STRN3: variants seen among roughly 807,000 people sequenced by gnomAD.
STRN3 encodes the protein striatin-3.
STRN3 carries 29 observed loss-of-function variants against 95.6 expected under a neutral mutation model. That is an observed-to-expected ratio of 0.30 (90% CI 0.23 to 0.41). The LOEUF is 0.41. STRN3 is among the 10% of genes least tolerant of loss of function. The pLI, the probability that STRN3 is intolerant of heterozygous loss-of-function variation, is 1.00. For missense variants in STRN3, 890 were observed against 972.1 expected (o/e 0.92, Z 1.12); for synonymous variants, 331 against 357.6 (o/e 0.93, Z 0.84).
At chr14:30,955,139 C>A (rs1273625899) in intron 3 of STRN3, among the ~76,000 whole-genome samples, 1 of 152,042 alleles carries the variant, frequency 6.6e-6, no homozygotes, top group Non-Finnish European at 1.5e-5. Context: ...CAAAGAAAAC[C>A]TATGCCACTC....
At chr14:31,025,849 C>T in intron 1 of STRN3, 55 bp downstream of exon 1, 2 of 1,561,012 alleles carry the variant, frequency 1.3e-6, no homozygotes, top group Admixed American at 1.9e-5. Context: ...CAGCCCCACC[C>T]CCCGGCCGGG....
intron 1 of STRN3, among the ~76,000 whole-genome samples, chr14:31,023,161 T>C (rs1883582085): frequency 6.6e-6 from 1 of 152,240 alleles, no homozygotes; most frequent in South Asian, 2.1e-4. Flanking sequence ...GAATCACTTG[T>C]AGAACTCTAA....
chr14:30,902,704 G>T, intron 15 of STRN3, 61 bp from the exon 16 acceptor site: 1 of 1,095,070 alleles, frequency 9.1e-7, no homozygotes, highest in Non-Finnish European at 1.3e-6. Flanking sequence ...GTTGGATAAT[G>T]GCCTTTTTAA....
intron 1 of STRN3, among the ~76,000 whole-genome samples, chr14:30,971,585 A>T (rs1386860432): frequency 6.6e-6 from 1 of 152,228 alleles, no homozygotes; most frequent in Admixed American, 6.5e-5. Flanking sequence ...AAAATAGGAT[A>T]GCCTTAGACA....
chr14:30,956,580 C>CA (rs1408187274), intron 1 of STRN3, among the ~76,000 whole-genome samples: 1 of 151,614 alleles, frequency 6.6e-6, no homozygotes, highest in African/African-American at 2.4e-5. Flanking sequence ...AACAAACAAA[C>CA]AAAAAAAACT....
At chr14:30,972,038 A>C (rs570017835) in intron 1 of STRN3, among the ~76,000 whole-genome samples, 4 of 152,208 alleles carry the variant, frequency 2.6e-5, no homozygotes, top group Non-Finnish European at 5.9e-5. Context: ...AGGAAACACA[A>C]GGGGAGGGAT....
chr14:30,962,090 T>C (rs1242432495), intron 1 of STRN3, among the ~76,000 whole-genome samples: 1 of 152,196 alleles, frequency 6.6e-6, no homozygotes, highest in Non-Finnish European at 1.5e-5. Context: ...TAGAAGACAA[T>C]GATATTAACC....
intron 3 of STRN3, 60 bp from the exon 4 acceptor site, chr14:30,951,004 A>T: frequency 7.0e-7 from 1 of 1,436,694 alleles, no homozygotes; most frequent in Non-Finnish European, 9.6e-7. Flanking sequence ...AAATATTGCC[A>T]AAGTTTTCTT....
At chr14:30,971,625 A>G (rs1266878456) in intron 1 of STRN3, among the ~76,000 whole-genome samples, 1 of 152,238 alleles carries the variant, frequency 6.6e-6, no homozygotes, top group Non-Finnish European at 1.5e-5. Flanking sequence ...ATTTTGCATC[A>G]TGATTAAAAC....
chr14:30,929,979 A>AAAAAAAAAAAAAAAAAAT (rs1566441550), intron 7 of STRN3, among the ~76,000 whole-genome samples: 5 of 147,386 alleles, frequency 3.4e-5, no homozygotes, highest in African/African-American at 5.0e-5. Context: ...AAAAAAAAAA[A>AAAAAAAAAAAAAAAAAAT]CTCAAATTCC....
chr14:31,026,269 C>CGGGGCGGAGGCCGGCCGGGAGA lies in STRN3; in HGVS notation c.-106_-85dup, dbSNP rs1883922676. 2 of 1,306,360 alleles carry CGGGGCGGAGGCCGGCCGGGAGA rather than the reference C, an allele frequency of 1.5e-6. No individual in the cohort carries two copies. Among genetic ancestry groups the CGGGGCGGAGGCCGGCCGGGAGA allele is most frequent in the African/African-American group, 1.6e-5 (1 of 64,034 alleles). 80.9% of individuals were successfully genotyped at this position (1,306,360 alleles called of 1,614,324 possible). On this transcript the variant is annotated 5_prime_UTR_variant, in exon 1 of 18. Coordinates refer to ENST00000357479, the MANE Select transcript of STRN3 (RefSeq NM_001083893.2). ...GGAGAGGGTGGCCCCGCGCTGGCTGCGGGGCGGAGGCCGGCCGGGAGAGGG... is the reference window on the plus strand; with the variant it reads ...GGAGAGGGTGGCCCCGCGCTGGCTGCGGGGCGGAGGCCGGCCGGGAGAGGGGCGGAGGCCGGCCGGGAGAGGG...
chr14:31,020,456 A>G (rs1298716018), intron 1 of STRN3, among the ~76,000 whole-genome samples: 1 of 152,036 alleles, frequency 6.6e-6, no homozygotes, highest in East Asian at 1.9e-4. Flanking sequence ...TTGAGATAGC[A>G]CCACTGTACT....
chr14:30,937,646 A>G (rs754659701), intron 5 of STRN3, among the ~76,000 whole-genome samples: 14 of 152,204 alleles, frequency 9.2e-5, no homozygotes, highest in Non-Finnish European at 2.1e-4. Flanking sequence ...GACTTTCACC[A>G]TGAAAATTCT....
intron 7 of STRN3, 79 bp downstream of exon 7, chr14:30,935,084 A>G: frequency 6.5e-7 from 1 of 1,546,870 alleles, no homozygotes; most frequent in Admixed American, 1.9e-5. Context: ...TTATACACAC[A>G]TTCCACATAT....
intron 1 of STRN3, among the ~76,000 whole-genome samples, chr14:30,967,022 G>C (rs1421530032): frequency 6.6e-6 from 1 of 151,714 alleles, no homozygotes; most frequent in Non-Finnish European, 1.5e-5. Flanking sequence ...GGCAAGGTGA[G>C]ACACCCCTGG....
intron 1 of STRN3, among the ~76,000 whole-genome samples, chr14:30,990,747 T>C (rs1013502614): frequency 6.6e-6 from 1 of 152,224 alleles, no homozygotes; most frequent in Non-Finnish European, 1.5e-5. Context: ...TATTTGCATA[T>C]AACCTATGCA....
chr14:30,900,747 CA>C (rs57963139), intron 16 of STRN3, among the ~76,000 whole-genome samples: 104,705 of 131,946 alleles, frequency 0.79, 40,922 homozygotes, highest in East Asian at 0.89. Flanking sequence ...AAGACTGGCT[CA>C]AAAAAAAAAA....
Position 30,928,284 on chromosome 14 carries a change from T to C in STRN3, c.1099+917A>G, listed in dbSNP as rs749392095. On this transcript the variant is annotated intron_variant, in intron 8 of 17. Coordinates refer to ENST00000357479, the MANE Select transcript of STRN3 (RefSeq NM_001083893.2). Reference sequence around the variant, plus strand: ...AACTCGCACACGTTTCCATTACACCTACCATTTAATATATGAATGTATTTG... The same window carrying C: ...AACTCGCACACGTTTCCATTACACCCACCATTTAATATATGAATGTATTTG... Among the ~76,000 whole-genome samples the C allele has an allele frequency of 9.7e-4, 147 of 152,218 alleles. 1 individual carries two copies. Among genetic ancestry groups the C allele is most frequent in the Non-Finnish European group, 1.8e-3 (124 of 68,030 alleles).
At chr14:30,915,834 TG>T (rs1438466066) in intron 9 of STRN3, among the ~76,000 whole-genome samples, 3 of 152,188 alleles carry the variant, frequency 2.0e-5, no homozygotes, top group Admixed American at 2.0e-4. Context: ...AGACTATCTC[TG>T]ATCAGCCAGA....
Sources: allele counts gnomAD v4.1 joint callset (sites outside exome capture counted in the v4.1 genomes callset), GRCh38; gene constraint gnomAD v4.1.1; transcripts MANE v1.5; gene names NCBI Gene and HGNC (gene_info 2026-07-23, HGNC 2026-07-21).